The following PAPPA variants were observed in gnomAD, a reference collection of about 807,000 sequenced individuals.
The protein encoded by PAPPA is pappalysin 1.
PAPPA carries 60 observed loss-of-function variants against 164.0 expected under a neutral mutation model. The ratio of observed to expected loss-of-function variants is 0.37; its 90% CI spans 0.30 to 0.45. The LOEUF (loss-of-function observed/expected upper bound fraction) is 0.45. Ranked by LOEUF, PAPPA falls within the 20% of genes least tolerant of loss-of-function variation. The probability of loss-of-function intolerance (pLI) is 1.00; values close to 1 mark genes in which losing one functional copy is unlikely to be tolerated. For synonymous variants in PAPPA, 875 were observed against 814.1 expected (o/e 1.07, Z -1.27); for missense variants, 1,782 against 2,087.3 (o/e 0.85, Z 2.85).
chr9:116,271,558 T>C lies in PAPPA; in HGVS notation c.2953+142T>C. Reference sequence around the variant, plus strand: ...ACCTGTTTATTGAGTGCCTCCTACATGCCAGGCACTGTTTTCAATATCGGG... The same window carrying C: ...ACCTGTTTATTGAGTGCCTCCTACACGCCAGGCACTGTTTTCAATATCGGG... On this transcript the variant is annotated intron_variant, in intron 9 of 21. Coordinates refer to ENST00000328252, the MANE Select transcript of PAPPA (RefSeq NM_002581.5). This position sits in a 1 kb window ranked among gnomAD's most constrained non-coding sequence, Gnocchi z 4.2. 1.5e-6 allele frequency: 1 copy of C among 656,016 alleles called. No homozygotes were observed. The highest frequency in any genetic ancestry group is 2.7e-6 in the Non-Finnish European group (1 of 369,586). The allele number at this position is 656,016 out of a possible 1,614,324, so 40.6% of individuals were successfully genotyped here.
chr9:116,323,120 T>C (rs1193967087), intron 10 of PAPPA, among the ~76,000 whole-genome samples: 1 of 152,082 alleles, frequency 6.6e-6, no homozygotes, highest in Admixed American at 6.5e-5. Flanking sequence ...TTTGTGTACA[T>C]CGTGTGTGGG....
At chr9:116,305,303 G>T (rs958753240) in intron 10 of PAPPA, among the ~76,000 whole-genome samples, 2 of 152,152 alleles carry the variant, frequency 1.3e-5, no homozygotes, top group Non-Finnish European at 2.9e-5. Flanking sequence ...AGAAGAGATT[G>T]GTAGTTAATT....
At chr9:116,233,081 G>A (rs1239995516) in intron 6 of PAPPA, among the ~76,000 whole-genome samples, 2 of 152,204 alleles carry the variant, frequency 1.3e-5, no homozygotes, top group Non-Finnish European at 2.9e-5. Context: ...ATGCTTTAAT[G>A]TTCTATGCTG....
intron 21 of PAPPA, among the ~76,000 whole-genome samples, chr9:116,383,267 C>T (rs1293800939): frequency 2.0e-5 from 3 of 152,148 alleles, no homozygotes; most frequent in Non-Finnish European, 2.9e-5. Flanking sequence ...CTAGCCTGGG[C>T]TGAGAAGCGT....
chr9:116,360,997 G>C (rs1265360024), intron 17 of PAPPA, among the ~76,000 whole-genome samples: 4 of 152,218 alleles, frequency 2.6e-5, no homozygotes, highest in Non-Finnish European at 4.4e-5. Flanking sequence ...AGGGTGGGTA[G>C]GAAACAATAG....
intron 21 of PAPPA, among the ~76,000 whole-genome samples, chr9:116,383,340 T>C (rs776603292): frequency 9.2e-5 from 14 of 152,212 alleles, no homozygotes; most frequent in African/African-American, 1.4e-4. Context: ...CAGTCAGAGC[T>C]GAAAGATCAT....
intron 10 of PAPPA, among the ~76,000 whole-genome samples, chr9:116,325,984 A>T (rs1442365554): frequency 2.6e-5 from 4 of 152,216 alleles, no homozygotes; most frequent in Non-Finnish European, 5.9e-5. Flanking sequence ...GTCCCATCTA[A>T]CTTTAAAATA....
chr9:116,395,616 T>C (rs1846952297), intron 21 of PAPPA, among the ~76,000 whole-genome samples: 1 of 152,218 alleles, frequency 6.6e-6, no homozygotes, highest in Admixed American at 6.5e-5. Context: ...ACTCACTCTG[T>C]TGGGCTCTTC....
chr9:116,398,998 A>C lies in PAPPA; in HGVS notation c.*2382A>C. 4.3e-6 allele frequency: 1 copy of C among 233,802 alleles called. No homozygotes were observed. The allele number at this position is 233,802 out of a possible 1,614,324, so 14.5% of individuals were successfully genotyped here. A position where few individuals can be genotyped will look rare whatever the true frequency, so the allele number is the denominator to read the frequency against. ...CAAGCTAAGAAATGTAACAGTATCAACCCTCCCAGTTGCTTAATTATACCC... is the reference window on the plus strand; with the variant it reads ...CAAGCTAAGAAATGTAACAGTATCACCCCTCCCAGTTGCTTAATTATACCC... On this transcript the variant is annotated 3_prime_UTR_variant, in exon 22 of 22. Coordinates refer to ENST00000328252, the MANE Select transcript of PAPPA (RefSeq NM_002581.5).
chr9:116,400,252 T>G lies in PAPPA; in HGVS notation c.*3636T>G, dbSNP rs1243789301. 1.3e-5 allele frequency: 2 copies of G among 152,224 alleles called. No individual in the cohort carries two copies. 9.4% of individuals were successfully genotyped at this position (152,224 alleles called of 1,614,324 possible). On this transcript the variant is annotated 3_prime_UTR_variant, in exon 22 of 22. Coordinates refer to ENST00000328252, the MANE Select transcript of PAPPA (RefSeq NM_002581.5). ...TATTTTTATGTTTCCTAAAGGAAAT[T>G]GTTTATTCTACAGCCTCAGTAGGTA...
chr9:116,336,735 C>T (rs1433657179), intron 13 of PAPPA, among the ~76,000 whole-genome samples: 2 of 152,176 alleles, frequency 1.3e-5, no homozygotes, highest in South Asian at 4.1e-4. Context: ...CAAAATGCTG[C>T]CCTATATCTG....
rs908085310 is a variant in PAPPA, at chr9:116,235,445, G to A, written c.2540G>A (p.Gly847Asp). The A allele has an allele frequency of 1.9e-6, 3 of 1,612,956 alleles. No individual in the cohort carries two copies. Among genetic ancestry groups the A allele is most frequent in the Non-Finnish European group, 2.5e-6 (3 of 1,179,690 alleles). The change falls in exon 7 of 22, where the codon GGC (glycine) becomes GAC (aspartate). Residue 847 changes from glycine (G) to aspartate (D), a missense_variant. By Grantham distance (94) the Gly-to-Asp change is moderately conservative. This residue lies in a region of PAPPA where 1,324 missense variants were observed against 1,656.9 expected (regional missense o/e 0.80). Transcript: ENST00000328252. The stretch of plus-strand genomic sequence containing the variant: ...CTGACCATCAGACTCTGGGACGTGG[G>A]CGAGGAGGTGTATGGCATCCAAATC... The part of the protein sequence containing the change: ...VPLTIRLWDV[G>D]EEVYGIQIYT...
At position 116,270,961 on chromosome 9, in the gene PAPPA, A is replaced by G. The variant is rs534830550; in HGVS notation, c.2862-364A>G. On this transcript the variant is annotated intron_variant, in intron 8 of 21. Coordinates refer to ENST00000328252, the MANE Select transcript of PAPPA (RefSeq NM_002581.5). ...CTTCAAATATGCTTTTTTTAAGATCAGAGACAAGGAAATGTCTGTGAGACT... is the reference window on the plus strand; with the variant it reads ...CTTCAAATATGCTTTTTTTAAGATCGGAGACAAGGAAATGTCTGTGAGACT... 9.9e-5 allele frequency among the ~76,000 whole-genome samples: 15 copies of G among 152,280 alleles called. No homozygotes were observed. The East Asian group carries it at 1.5e-3, about 16-fold the overall frequency.
chr9:116,169,856 T>C (rs958922311), intron 1 of PAPPA, among the ~76,000 whole-genome samples: 6 of 151,954 alleles, frequency 3.9e-5, no homozygotes, highest in African/African-American at 1.5e-4. Context: ...ATGGATTGCA[T>C]GAGGCCAAGA....
intron 1 of PAPPA, among the ~76,000 whole-genome samples, chr9:116,176,262 C>G (rs1843833666): frequency 6.6e-6 from 1 of 152,124 alleles, no homozygotes; most frequent in Non-Finnish European, 1.5e-5. Context: ...TTCTGAAATG[C>G]AAAATTGTTG....
At chr9:116,389,713 A>G (rs1389414225) in intron 21 of PAPPA, among the ~76,000 whole-genome samples, 1 of 151,474 alleles carries the variant, frequency 6.6e-6, no homozygotes, top group Non-Finnish European at 1.5e-5. Context: ...CACCTCTTTC[A>G]AGTCTTTGCC....
At chr9:116,260,600 G>A (rs1412784513) in intron 7 of PAPPA, among the ~76,000 whole-genome samples, 1 of 152,156 alleles carries the variant, frequency 6.6e-6, no homozygotes, top group African/African-American at 2.4e-5. Flanking sequence ...CACGTTCTCA[G>A]TGCAGAATTT....
At chr9:116,191,729 G>A (rs1844044821) in intron 2 of PAPPA, among the ~76,000 whole-genome samples, 1 of 152,160 alleles carries the variant, frequency 6.6e-6, no homozygotes, top group Non-Finnish European at 1.5e-5. Context: ...AGAATAGGCA[G>A]CCTGCTGAGA....
At chr9:116,204,415 C>A (rs186852364) in intron 2 of PAPPA, among the ~76,000 whole-genome samples, 4 of 152,140 alleles carry the variant, frequency 2.6e-5, no homozygotes. Context: ...TGTTTGTTTG[C>A]TTTTGGTTTT....
Sources: allele counts gnomAD v4.1 joint callset (sites outside exome capture counted in the v4.1 genomes callset), GRCh38; gene constraint gnomAD v4.1.1; regional missense constraint gnomAD v4.1.1; non-coding constraint Gnocchi (gnomAD v3.1); transcripts MANE v1.5; gene names NCBI Gene and HGNC (gene_info 2026-07-23, HGNC 2026-07-21).